NLRP13: variants seen among roughly 807,000 people sequenced by gnomAD.
NLRP13 encodes NACHT, LRR and PYD domains-containing protein 13.
NLRP13 carries 82 observed loss-of-function variants against 94.4 expected under a neutral mutation model. The observed-to-expected ratio is 0.87, with a 90% CI of 0.73 to 1.04. The LOEUF (loss-of-function observed/expected upper bound fraction) is 1.04, where lower values mean the gene tolerates loss of function less well. NLRP13 is among the 50% of genes least tolerant of loss of function. The pLI is 0.00. For synonymous variants in NLRP13, 553 were observed against 464.7 expected (o/e 1.19, Z -2.45); for missense variants, 1,426 against 1,230.8 (o/e 1.16, Z -2.37).
At position 55,913,282 on chromosome 19, in the gene NLRP13, T is replaced by C. The variant is rs1382184176; in HGVS notation, c.535A>G (p.Lys179Glu). 6.2e-7 allele frequency: 1 copy of C among 1,613,874 alleles called. No homozygotes were observed. The highest frequency in any genetic ancestry group is 1.1e-5 in the South Asian group (1 of 91,070). ...EMLEEADHRRKYRENMKAELL... is the reference protein window; with the variant it reads ...EMLEEADHRREYRENMKAELL... ...TCAGCCTTCATGTTCTCTCTGTATT[T>C]TCTTCTGTGGTCTAGAGAGGGCGGA... Residue 179 changes from lysine to glutamate, a missense_variant, in exon 5 of 11, where the codon AAA becomes GAA. Coordinates refer to ENST00000342929, the MANE Select transcript of NLRP13 (RefSeq NM_176810.2).
intron 4 of NLRP13, among the ~76,000 whole-genome samples, chr19:55,918,400 A>G (rs1428660834): frequency 6.6e-6 from 1 of 152,034 alleles, no homozygotes; most frequent in Non-Finnish European, 1.5e-5. Context: ...GAGCAGAAAT[A>G]GAGACCAAAA....
At chr19:55,908,195 C>A (rs1057481847) in intron 6 of NLRP13, among the ~76,000 whole-genome samples, 1 of 152,272 alleles carries the variant, frequency 6.6e-6, no homozygotes, top group South Asian at 2.1e-4. Flanking sequence ...ATCCCTCCTT[C>A]CCTCTCCACC....
Position 55,907,647 on chromosome 19 carries a change from T to TAC in NLRP13, c.2447+143_2447+144dup, listed in dbSNP as rs1405770709. 3 of 751,264 alleles carry TAC rather than the reference T, an allele frequency of 4.0e-6. No individual in the cohort carries two copies. The African/African-American group carries it at 5.3e-5, about 13-fold the overall frequency. 46.5% of individuals were successfully genotyped at this position (751,264 alleles called of 1,614,324 possible). A position where few individuals can be genotyped will look rare whatever the true frequency, so the allele number is the denominator to read the frequency against. ...CATTAAAATTTGAGAACCACGGCTCTACACATAGGAACATTCTCCTTTGCT... is the reference window on the plus strand; with the variant it reads ...CATTAAAATTTGAGAACCACGGCTCTACACACATAGGAACATTCTCCTTTGCT... On this transcript the variant is annotated intron_variant, in intron 7 of 10. Coordinates refer to ENST00000342929, the MANE Select transcript of NLRP13 (RefSeq NM_176810.2).
downstream of NLRP13, chr19:55,895,898 C>G (rs1487388234): frequency 6.3e-7 from 1 of 1,586,582 alleles, no homozygotes; most frequent in Admixed American, 1.7e-5. Flanking sequence ...CCTAGTCAAT[C>G]TAGCCTTGTC....
At chr19:55,929,810 TA>T (rs753757552) in intron 1 of NLRP13, among the ~76,000 whole-genome samples, 1 of 150,580 alleles carries the variant, frequency 6.6e-6, no homozygotes, top group Non-Finnish European at 1.5e-5. Flanking sequence ...ATAATAAAGA[TA>T]AAATCAGAAA....
At chr19:55,924,311 T>G (rs933272060) in intron 3 of NLRP13, among the ~76,000 whole-genome samples, 1 of 151,976 alleles carries the variant, frequency 6.6e-6, no homozygotes, top group Non-Finnish European at 1.5e-5. Context: ...TTAGTAGAGA[T>G]GGAGTTTCAT....
At chr19:55,891,858 C>T (rs1442415321), downstream of NLRP13, 1 of 386,286 alleles carries the variant, frequency 2.6e-6, no homozygotes, top group Non-Finnish European at 4.6e-6. Flanking sequence ...GGGCGGCCTC[C>T]AACAACCGTG....
Position 55,923,733 on chromosome 19 carries a change from C to T in NLRP13, c.523+181G>A, listed in dbSNP as rs551900273. Among the ~76,000 whole-genome samples the T allele has an allele frequency of 5.9e-5, 9 of 152,192 alleles. 1 individual carries two copies. Among genetic ancestry groups the T allele is most frequent in the East Asian group, 5.8e-4 (3 of 5,184 alleles). ...TCATTCGTTGTTCGGCCAGGGTCTGCGGGTTGGACCTGGCATTTTTCAACA... is the reference window on the plus strand; with the variant it reads ...TCATTCGTTGTTCGGCCAGGGTCTGTGGGTTGGACCTGGCATTTTTCAACA... On this transcript the variant is annotated intron_variant, in intron 4 of 10. Coordinates refer to ENST00000342929, the MANE Select transcript of NLRP13 (RefSeq NM_176810.2).
At chr19:55,900,543 G>T (rs941764178) in intron 9 of NLRP13, among the ~76,000 whole-genome samples, 5 of 151,776 alleles carry the variant, frequency 3.3e-5, no homozygotes, top group African/African-American at 1.2e-4. Context: ...AGGCCAAGGC[G>T]GGTGGATCAC....
intron 10 of NLRP13, 92 bp from the exon 11 acceptor site, chr19:55,896,211 A>G: frequency 1.8e-5 from 24 of 1,363,194 alleles, no homozygotes; most frequent in Non-Finnish European, 2.2e-5. Flanking sequence ...AAAAACTATT[A>G]CTAAAGCAGA....
chr19:55,931,939 C>T (rs1691305866), intron 1 of NLRP13, 54 bp downstream of exon 1: 4 of 1,552,280 alleles, frequency 2.6e-6, no homozygotes, highest in Admixed American at 1.8e-5. Context: ...CGGCTACCTC[C>T]TTGCCTCAGG....
rs372288236 is a variant in NLRP13, at chr19:55,930,874, T to TTATA, written c.319+1115_319+1118dup. 3.1e-4 allele frequency among the ~76,000 whole-genome samples: 22 copies of TTATA among 70,208 alleles called. 1 individual carries two copies. Among genetic ancestry groups the TTATA allele is most frequent in the East Asian group, 2.0e-3 (4 of 2,004 alleles). 46.1% of individuals were successfully genotyped at this position (70,208 alleles called of 152,430 possible). On this transcript the variant is annotated intron_variant, in intron 1 of 10. Transcript: ENST00000342929. ...GGCTTACAGGAGATAGAATCAGTGA[T>TTATA]TATATATATATATATATATATATAA... is the stretch of plus-strand genomic sequence containing the variant.
intron 4 of NLRP13, among the ~76,000 whole-genome samples, chr19:55,917,244 G>A (rs1986696333): frequency 6.6e-6 from 1 of 151,998 alleles, no homozygotes; most frequent in Non-Finnish European, 1.5e-5. Context: ...TAAAAAGGTT[G>A]ATACTTGCCA....
Position 55,896,820 on chromosome 19 carries a change from C to CAAAAA in NLRP13, c.2958-706_2958-702dup, listed in dbSNP as rs3073244. Reference sequence around the variant, plus strand: ...GGCGACAGAGCAAGACTCCATCTCACAAAAAAAAAAAAAAAAAAAAAAAAA... The same window carrying CAAAAA: ...GGCGACAGAGCAAGACTCCATCTCACAAAAAAAAAAAAAAAAAAAAAAAAAAAAAA... On this transcript the variant is annotated intron_variant, in intron 10 of 10. Transcript: ENST00000342929. Among the ~76,000 whole-genome samples the CAAAAA allele has an allele frequency of 5.4e-3, 437 of 80,820 alleles. 13 individuals are homozygous for CAAAAA. Among genetic ancestry groups the CAAAAA allele is most frequent in the Non-Finnish European group, 8.7e-3 (344 of 39,560 alleles). 53.0% of individuals were successfully genotyped at this position (80,820 alleles called of 152,430 possible).
In NLRP13 at chr19:55,902,063, G is replaced by A. The variant is rs567099653; in HGVS notation, c.2761C>T (p.Arg921Cys). 1.4e-5 allele frequency: 23 copies of A among 1,614,102 alleles called. No individual in the cohort carries two copies. In the East Asian group the frequency reaches 4.0e-4, roughly 28 times the overall value. Reference protein sequence around the residue: ...GVKFLCEALGRPDGNLQSLNL... With the variant: ...GVKFLCEALGCPDGNLQSLNL... The stretch of plus-strand genomic sequence containing the variant: ...AGGCTCTGCAGGTTACCATCTGGGC[G>A]ACCCAAGGCCTCACACAGGAACTTG... The change falls in exon 9 of 11, where the codon CGC becomes TGC. Residue 921 changes from arginine to cysteine, a missense_variant. Arg to Cys is a radical substitution (Grantham distance 180, BLOSUM62 -3). Transcript: ENST00000342929.
At position 55,912,699 on chromosome 19, in the gene NLRP13, G is replaced by T; in HGVS notation, c.1118C>A (p.Ala373Asp). ...TACAAAGCATGGATTCACTAATGAG[G>T]CCTTAAGATCTCTCACAAACCAGGT... is the stretch of plus-strand genomic sequence containing the variant. ...IKTWFVRDLK[A>D]SLVNPCFVQI... The change falls in exon 5 of 11, where the codon GCC becomes GAC. Residue 373 changes from alanine to aspartate, a missense_variant. Coordinates refer to ENST00000342929, the MANE Select transcript of NLRP13 (RefSeq NM_176810.2). 1 of 1,614,160 alleles carries T rather than the reference G, an allele frequency of 6.2e-7. No homozygotes were observed. The highest frequency in any genetic ancestry group is 8.5e-7 in the Non-Finnish European group (1 of 1,180,022).
Position 55,905,031 on chromosome 19 carries a change from C to T in NLRP13, c.2529G>A (p.Leu843=). The T allele has an allele frequency of 6.2e-7, 1 of 1,613,820 alleles. No individual in the cohort carries two copies. The highest frequency in any genetic ancestry group is 1.1e-5 in the South Asian group (1 of 91,056). The change falls in exon 8 of 11, where the codon TTG becomes TTA. Residue 843 remains leucine, a synonymous_variant. Transcript: ENST00000342929. ...FLTSIQHVTR[L]CLGFNRLQDD... ...CTTGGAGCCGATTAAATCCCAGGCACAATCGAGTTACGTGTTGGATGCTGG... is the reference window on the plus strand; with the variant it reads ...CTTGGAGCCGATTAAATCCCAGGCATAATCGAGTTACGTGTTGGATGCTGG...
At chr19:55,916,871 C>T (rs1568697405) in intron 4 of NLRP13, among the ~76,000 whole-genome samples, 1 of 151,128 alleles carries the variant, frequency 6.6e-6, no homozygotes, top group African/African-American at 2.4e-5. Context: ...TAATGAACTC[C>T]AAAAAAAATG....
chr19:55,917,692 A>G (rs892819959), intron 4 of NLRP13, among the ~76,000 whole-genome samples: 1 of 152,108 alleles, frequency 6.6e-6, no homozygotes, highest in African/African-American at 2.4e-5. Flanking sequence ...AGATTTTTAT[A>G]TAATGATAAA....
Sources: allele counts gnomAD v4.1 joint callset (sites outside exome capture counted in the v4.1 genomes callset), GRCh38; gene constraint gnomAD v4.1.1; transcripts MANE v1.5; gene names NCBI Gene and HGNC (gene_info 2026-07-23, HGNC 2026-07-21).